SVOPL: variants seen among roughly 807,000 people sequenced by gnomAD.
SVOPL encodes the protein putative transporter SVOPL.
A neutral mutation model predicts 61.0 loss-of-function variants in SVOPL; 60 were observed. The ratio of observed to expected loss-of-function variants is 0.98; its 90% CI spans 0.80 to 1.22. SVOPL has a LOEUF of 1.22. Among genes scored for constraint, SVOPL ranks in the 50% most tolerant of loss-of-function variants. The probability of loss-of-function intolerance (pLI) is 0.00; values close to 1 mark genes in which losing one functional copy is unlikely to be tolerated. For synonymous variants in SVOPL, 279 were observed against 250.0 expected, an observed-to-expected ratio of 1.12 and a Z score of -1.09; for missense variants, 662 against 643.9, an observed-to-expected ratio of 1.03 and a Z score of -0.30.
At chr7:138,606,253 C>A (rs907054127) in intron 14 of SVOPL, among the ~76,000 whole-genome samples, 1 of 151,974 alleles carries the variant, frequency 6.6e-6, no homozygotes, top group African/African-American at 2.4e-5. Flanking sequence ...TCTTGTCTCA[C>A]GACCAAGAAA....
intron 12 of SVOPL, 22 bp from the exon 13 acceptor site, chr7:138,626,072 G>A: frequency 6.2e-7 from 1 of 1,613,256 alleles, no homozygotes; most frequent in Non-Finnish European, 8.5e-7. Flanking sequence ...GAAGCGGAGA[G>A]AAATTATAAA....
At chr7:138,615,431 C>T (rs1474209648) in intron 14 of SVOPL, among the ~76,000 whole-genome samples, 2 of 151,950 alleles carry the variant, frequency 1.3e-5, no homozygotes, top group Non-Finnish European at 2.9e-5. Flanking sequence ...GTGGCGGGCG[C>T]CTGTAGTCCC....
chr7:138,649,298 GTT>G (rs1364096267), intron 7 of SVOPL, among the ~76,000 whole-genome samples, 161 bp from the exon 8 acceptor site: 2 of 147,770 alleles, frequency 1.4e-5, no homozygotes, highest in Admixed American at 1.3e-4. Context: ...TTTGCCTTTT[GTT>G]TTGTTTTGTT....
At chr7:138,678,291 C>A in intron 3 of SVOPL, 143 bp downstream of exon 3, 1 of 724,708 alleles carries the variant, frequency 1.4e-6, no homozygotes, top group South Asian at 2.0e-5. Context: ...AAACGGTGCC[C>A]CATCCACCTT....
intron 14 of SVOPL, among the ~76,000 whole-genome samples, chr7:138,599,214 A>G (rs190727786): frequency 6.6e-6 from 1 of 150,800 alleles, no homozygotes; most frequent in East Asian, 1.9e-4. Context: ...AACTTTTTAA[A>G]TAAACTGGAT....
intron 9 of SVOPL, 56 bp from the exon 10 acceptor site, chr7:138,630,178 T>G: frequency 7.1e-7 from 1 of 1,401,196 alleles, no homozygotes; most frequent in Non-Finnish European, 1.0e-6. Context: ...TGAACGGAGA[T>G]GTTTCCACTG....
intron 6 of SVOPL, among the ~76,000 whole-genome samples, chr7:138,658,893 A>G (rs969753093): frequency 1.8e-5 from 2 of 111,518 alleles, no homozygotes; most frequent in African/African-American, 6.9e-5. Flanking sequence ...CCCCAACCCC[A>G]TTCATCTACC....
intron 4 of SVOPL, among the ~76,000 whole-genome samples, chr7:138,667,273 C>A (rs533008964): frequency 9.9e-5 from 15 of 152,112 alleles, no homozygotes; most frequent in Non-Finnish European, 1.8e-4. Context: ...TCAGCCAGAC[C>A]CCCCATGGAA....
chr7:138,674,229 G>C lies in SVOPL; in HGVS notation c.175-2112C>G, dbSNP rs548632102. Among the ~76,000 whole-genome samples the C allele has an allele frequency of 2.3e-3, 350 of 151,276 alleles. 6 individuals carry two copies. Among genetic ancestry groups the C allele is most frequent in the Non-Finnish European group, 3.7e-3 (249 of 67,708 alleles). ...CACACACACACACACATACACAGAA[G>C]ACCAGGACTTAGGAGTCCTGGTCAC... On this transcript the variant is annotated intron_variant, in intron 3 of 15. Transcript: ENST00000674285.
At chr7:138,663,388 C>T (rs1220317958) in intron 4 of SVOPL, 4 of 1,385,058 alleles carry the variant, frequency 2.9e-6, no homozygotes, top group South Asian at 1.6e-5. Context: ...TCCTCTGCCG[C>T]CCGCTTGTTG....
chr7:138,647,847 C>CAAAA (rs33996391), intron 8 of SVOPL, among the ~76,000 whole-genome samples: 1 of 102,772 alleles, frequency 9.7e-6, no homozygotes, highest in Admixed American at 1.0e-4. Flanking sequence ...GACTCCGTTT[C>CAAAA]AAAAAAAAAA....
chr7:138,594,715 C>T, intron 15 of SVOPL, 94 bp from the exon 16 acceptor site: 1 of 893,178 alleles, frequency 1.1e-6, no homozygotes, highest in South Asian at 2.6e-5. Flanking sequence ...ATAGAAGATT[C>T]TTTAATAAAA....
At chr7:138,653,048 C>T (rs1286779636) in intron 7 of SVOPL, among the ~76,000 whole-genome samples, 1 of 152,192 alleles carries the variant, frequency 6.6e-6, no homozygotes, top group African/African-American at 2.4e-5. Context: ...AGTGCCACAA[C>T]ATTCCCTTAA....
At chr7:138,620,444 C>CAAAAAAA (rs3080386) in intron 14 of SVOPL, among the ~76,000 whole-genome samples, 2,705 of 87,026 alleles carry the variant, frequency 0.031, 57 homozygotes, top group Middle Eastern at 0.049. Context: ...TCTTTGCAGC[C>CAAAAAAA]AAAAAAAAAA....
rs745563332 is a variant in SVOPL at position 138,669,152 on chromosome 7, C to A, written c.273+2867G>T. On this transcript the variant is annotated intron_variant, in intron 4 of 15. Coordinates refer to ENST00000674285, the MANE Select transcript of SVOPL (RefSeq NM_001139456.2). The stretch of plus-strand genomic sequence containing the variant: ...CTTATCTGACCAAGAAAGCTTTGTT[C>A]CAAAAGGAATGCAACTGGGCCAGGT... Among the ~76,000 whole-genome samples the A allele has an allele frequency of 2.4e-4, 36 of 152,256 alleles. No individual in the cohort carries two copies. In the Middle Eastern group the frequency reaches 0.014, roughly 58 times the overall value.
intron 13 of SVOPL, among the ~76,000 whole-genome samples, chr7:138,624,262 TCCAGTTGTC>T (rs1799799801): frequency 6.6e-6 from 1 of 152,244 alleles, no homozygotes; most frequent in Non-Finnish European, 1.5e-5. Context: ...TGATGCTTAA[TCCAGTTGTC>T]CTGTCAGCCC....
At chr7:138,627,272 A>T in intron 12 of SVOPL, 78 bp downstream of exon 12, 8 of 1,084,724 alleles carry the variant, frequency 7.4e-6, no homozygotes, top group Non-Finnish European at 1.1e-5. Context: ...TTGTCCCTGA[A>T]ACTACTGAAC....
chr7:138,672,055 C>T lies in SVOPL; in HGVS notation c.237G>A (p.Trp79Ter). The change falls in exon 4 of 16, where the codon TGG (tryptophan) becomes TGA (stop). Residue 79 changes from tryptophan (W) to a stop codon, truncating the protein, a stop_gained. Coordinates refer to ENST00000674285, the MANE Select transcript of SVOPL (RefSeq NM_001139456.2). LOFTEE classifies it high-confidence loss of function. ...ATGCCACCTGCCAATTCTCCAGTTG[C>T]CATTCACAGCGGATGACAGGAGACA... ...AVVSPVIRCEWQLENWQVALV... is the reference protein window; with the variant it reads ...AVVSPVIRCE 1 of 1,551,684 alleles carries T rather than the reference C, an allele frequency of 6.4e-7. No individual in the cohort carries two copies. Among genetic ancestry groups the T allele is most frequent in the African/African-American group, 1.4e-5 (1 of 73,168 alleles).
intron 6 of SVOPL, among the ~76,000 whole-genome samples, chr7:138,658,283 AT>A (rs1296875997): frequency 6.6e-6 from 1 of 152,006 alleles, no homozygotes; most frequent in Non-Finnish European, 1.5e-5. Flanking sequence ...CATCTGACAT[AT>A]TCCCCCCCCT....
Sources: allele counts gnomAD v4.1 joint callset (sites outside exome capture counted in the v4.1 genomes callset), GRCh38; gene constraint gnomAD v4.1.1; transcripts MANE v1.5; gene names NCBI Gene and HGNC (gene_info 2026-07-23, HGNC 2026-07-21).